SERPINB6: variants seen among roughly 807,000 people sequenced by gnomAD.
SERPINB6 encodes the protein serpin B6.
A neutral mutation model predicts 26.1 loss-of-function variants in SERPINB6; 16 were observed. The ratio of observed to expected loss-of-function variants is 0.61; its 90% CI spans 0.42 to 0.93. The LOEUF is 0.93. SERPINB6 is among the 40% of genes least tolerant of loss of function. SERPINB6 has a pLI of 0.00. For synonymous variants in SERPINB6, 174 were observed against 176.6 expected (o/e 0.99, Z 0.11); for missense variants, 420 against 478.0 (o/e 0.88, Z 1.13).
intron 3 of SERPINB6, chr6:2,954,982 G>C: frequency 2.4e-6 from 1 of 408,226 alleles, no homozygotes; most frequent in South Asian, 2.6e-5. Context: ...GTGAGCTCAG[G>C]AGTTCGAGAC....
At chr6:2,968,628 T>C (rs953640623) in intron 1 of SERPINB6, 2 of 1,222,298 alleles carry the variant, frequency 1.6e-6, no homozygotes, top group Admixed American at 4.3e-5. Flanking sequence ...GCTGCCTATC[T>C]CTGGGGTCCT....
intron 1 of SERPINB6, chr6:2,966,269 T>C: frequency 2.7e-6 from 2 of 729,806 alleles, no homozygotes; most frequent in South Asian, 1.2e-4. Context: ...TTGCCTCATC[T>C]GAACTTATTA....
intron 4 of SERPINB6, 26 bp from the exon 5 acceptor site, chr6:2,953,212 T>TA (rs759277191): frequency 1.9e-6 from 3 of 1,613,818 alleles, no homozygotes; most frequent in Non-Finnish European, 2.5e-6. Flanking sequence ...CAAGACCGCA[T>TA]TAGATAGGGG....
chr6:2,956,437 A>G (rs931975686), intron 2 of SERPINB6: 2 of 152,346 alleles, frequency 1.3e-5, no homozygotes, highest in South Asian at 2.1e-4. Context: ...CCTGGCCACC[A>G]TGACAGAAGG....
At chr6:2,962,282 C>G (rs1219520736) in intron 1 of SERPINB6, 1 of 916,784 alleles carries the variant, frequency 1.1e-6, no homozygotes, top group Non-Finnish European at 1.3e-6. Context: ...ATTTGAAATA[C>G]TGAACTGGAG....
At chr6:2,969,150 G>A (rs1771901409) in intron 1 of SERPINB6, 1 of 1,002,414 alleles carries the variant, frequency 1.0e-6, no homozygotes, top group East Asian at 9.9e-5. Flanking sequence ...TACCACTCAA[G>A]ATACTCCAAA....
chr6:2,957,360 A>G (rs1042547904), intron 2 of SERPINB6: 1 of 152,220 alleles, frequency 6.6e-6, no homozygotes, highest in Non-Finnish European at 1.5e-5. Flanking sequence ...TAAAGGAACT[A>G]TTTCCAATCC....
chr6:2,951,260 C>T (rs971180489), intron 5 of SERPINB6, among the ~76,000 whole-genome samples: 4 of 152,060 alleles, frequency 2.6e-5, no homozygotes, highest in Non-Finnish European at 4.4e-5. Flanking sequence ...GTGGCACACA[C>T]CTGTAATCCC....
At chr6:2,964,251 A>C (rs112113534) in intron 1 of SERPINB6, among the ~76,000 whole-genome samples, 261 of 152,362 alleles carry the variant, frequency 1.7e-3, no homozygotes, top group African/African-American at 6.2e-3. Flanking sequence ...GGAAACATTC[A>C]TACTATCTGA....
chr6:2,968,826 T>C, intron 1 of SERPINB6: 1 of 1,231,618 alleles, frequency 8.1e-7, no homozygotes, highest in Non-Finnish European at 1.0e-6. Context: ...GCTGGGAGCT[T>C]CACTGCAGTG....
In SERPINB6 at chr6:2,948,764, T is replaced by G; in HGVS notation, c.730-65A>C. Reference sequence around the variant, plus strand: ...TGCTGCCCAGCAGGGCCCTGTGCTATGCTGTGGATGCCAGACACCAGTGGC... The same window carrying G: ...TGCTGCCCAGCAGGGCCCTGTGCTAGGCTGTGGATGCCAGACACCAGTGGC... On this transcript the variant is annotated intron_variant, in intron 6 of 6. Coordinates refer to ENST00000380539, the MANE Select transcript of SERPINB6 (RefSeq NM_004568.6). The surrounding 1 kb of genome is among the most constrained non-coding windows in gnomAD (Gnocchi z 5.0). The G allele has an allele frequency of 6.3e-7, 1 of 1,575,150 alleles. No individual in the cohort carries two copies. Among genetic ancestry groups the G allele is most frequent in the Non-Finnish European group, 8.7e-7 (1 of 1,145,878 alleles).
chr6:2,969,913 G>A (rs1771975123), intron 1 of SERPINB6: 1 of 761,302 alleles, frequency 1.3e-6, no homozygotes. Flanking sequence ...AAGGCGGGCA[G>A]ATCACGAGGT....
In SERPINB6 at chr6:2,953,133, C is replaced by A; in HGVS notation, c.484G>T (p.Val162Phe). The change falls in exon 5 of 7, where the codon GTT (valine) becomes TTT (phenylalanine). Residue 162 changes from valine to phenylalanine, a missense_variant. By Grantham distance (50) the Val-to-Phe change is conservative (BLOSUM62 -1). Coordinates refer to ENST00000380539, the MANE Select transcript of SERPINB6 (RefSeq NM_004568.6). ...CTGAAATAGACAGCATTCACCAGAA[C>A]CAGCCTTGTCAATGGATCCACTGAG... ...PGSVDPLTRL[V>F]LVNAVYFRGN... The A allele has an allele frequency of 6.2e-7, 1 of 1,614,234 alleles. No individual in the cohort carries two copies. Among genetic ancestry groups the A allele is most frequent in the Non-Finnish European group, 8.5e-7 (1 of 1,180,040 alleles).
rs1247673263 is a variant in SERPINB6 at position 2,952,976 on chromosome 6, C to G, written c.573+68G>C. On this transcript the variant is annotated intron_variant, in intron 5 of 6. Coordinates refer to ENST00000380539, the MANE Select transcript of SERPINB6 (RefSeq NM_004568.6). ...CAGAAAGGCCCCACGGCTGCAGACGCGGGAGGCCCCGAGCCGGAGACGCTC... is the reference window on the plus strand; with the variant it reads ...CAGAAAGGCCCCACGGCTGCAGACGGGGGAGGCCCCGAGCCGGAGACGCTC... The G allele has an allele frequency of 2.5e-6, 4 of 1,605,432 alleles. No individual in the cohort carries two copies. In the South Asian group the frequency reaches 4.4e-5, roughly 18 times the overall value.
rs953498987 is a variant in SERPINB6, at chr6:2,955,384, CAT to C, written c.312+138_312+139del. 23 of 954,582 alleles carry C rather than the reference CAT, an allele frequency of 2.4e-5. No homozygotes were observed. In the Admixed American group the frequency reaches 4.0e-4, roughly 16 times the overall value. The allele number at this position is 954,582 out of a possible 1,614,324, so 59.1% of individuals were successfully genotyped here. On this transcript the variant is annotated intron_variant, in intron 3 of 6. Coordinates refer to ENST00000380539, the MANE Select transcript of SERPINB6 (RefSeq NM_004568.6). ...TTATTGAAATGCAGAGAATTTAAAA[CAT>C]ATTGGCAGGTGAAAAGAAATTACAA...
chr6:2,961,895 C>T, intron 1 of SERPINB6: 2 of 858,678 alleles, frequency 2.3e-6, no homozygotes, highest in African/African-American at 1.8e-5. Flanking sequence ...GACTCTTACG[C>T]TTTTTTTTTT....
At position 2,948,305 on chromosome 6, in the gene SERPINB6, G is replaced by A. The variant is rs747264946; in HGVS notation, c.1124C>T (p.Ser375Phe). The change falls in exon 7 of 7, where the codon TCT (serine) becomes TTT (phenylalanine). Residue 375 changes from serine to phenylalanine, a missense_variant. Physicochemically the swap from Ser to Phe is radical, Grantham distance 155. Transcript: ENST00000380539. The surrounding 1 kb of genome is among the most constrained non-coding windows in gnomAD (Gnocchi z 5.0). ...ACCAAGACTGCCCTGTCCTCACGGA[G>A]AGGAAAAGCGGCCGCAGAAGAGAAT... ...NGILFCGRFS[S>F]P 1.2e-6 allele frequency: 2 copies of A among 1,613,526 alleles called. No individual in the cohort carries two copies. The highest frequency in any genetic ancestry group is 1.3e-5 in the African/African-American group (1 of 74,914).
chr6:2,960,892 C>T (rs1771027952), intron 1 of SERPINB6: 1 of 152,244 alleles, frequency 6.6e-6, no homozygotes, highest in Admixed American at 6.5e-5. Flanking sequence ...TCACAGGTAT[C>T]CTTCTAAGAG....
At chr6:2,955,471 C>G in intron 3 of SERPINB6, 53 bp downstream of exon 3, 1 of 1,612,332 alleles carries the variant, frequency 6.2e-7, no homozygotes, top group South Asian at 1.1e-5. Flanking sequence ...GCCCCAGCCC[C>G]CACTACCTGG....
Sources: allele counts gnomAD v4.1 joint callset (sites outside exome capture counted in the v4.1 genomes callset), GRCh38; gene constraint gnomAD v4.1.1; non-coding constraint Gnocchi (gnomAD v3.1); transcripts MANE v1.5; gene names NCBI Gene and HGNC (gene_info 2026-07-23, HGNC 2026-07-21).